Variants in ADAM18 observed in about 807,000 individuals in gnomAD.
ADAM18 encodes the protein disintegrin and metalloproteinase domain-containing protein 18.
In ADAM18, 117 loss-of-function variants were observed where a neutral mutation model predicts 94.4. The observed-to-expected ratio is 1.24, with a 90% CI of 1.07 to 1.45. ADAM18 has a LOEUF of 1.45. Ranked by LOEUF, ADAM18 falls within the 40% of genes most tolerant of loss-of-function variation. ADAM18 has a pLI of 0.00. For synonymous variants in ADAM18, 327 were observed against 291.6 expected, an observed-to-expected ratio of 1.12 and a Z score of -1.24; for missense variants, 936 against 880.0, an observed-to-expected ratio of 1.06 and a Z score of -0.81.
At chr8:39,728,993 G>C (rs7011327) in intron 19 of ADAM18, among the ~76,000 whole-genome samples, 1 of 152,080 alleles carries the variant, frequency 6.6e-6, no homozygotes, top group Non-Finnish European at 1.5e-5. Flanking sequence ...GTCCAAAAGG[G>C]TTCCAGTTTG....
intron 6 of ADAM18, among the ~76,000 whole-genome samples, chr8:39,619,667 T>C (rs1185716589): frequency 6.6e-6 from 1 of 152,046 alleles, no homozygotes; most frequent in Non-Finnish European, 1.5e-5. Flanking sequence ...AAATAACTAT[T>C]AGTAAGTTTT....
At chr8:39,686,596 C>T (rs893421613) in intron 16 of ADAM18, among the ~76,000 whole-genome samples, 1 of 152,062 alleles carries the variant, frequency 6.6e-6, no homozygotes, top group East Asian at 1.9e-4. Context: ...ACAAATATTC[C>T]GACCACAGCA....
In ADAM18 at chr8:39,691,127, C is replaced by T. The variant is rs141774014; in HGVS notation, c.1822-1473C>T. On this transcript the variant is annotated intron_variant, in intron 16 of 19. Coordinates refer to ENST00000265707, the MANE Select transcript of ADAM18 (RefSeq NM_014237.3). ...AGATGATATATATGCATCTCTTACA[C>T]GCATATATTAAATCACTGCTTAATG... 2.9e-3 allele frequency among the ~76,000 whole-genome samples: 442 copies of T among 152,138 alleles called. 3 individuals carry two copies. The highest frequency in any genetic ancestry group is 9.6e-3 in the African/African-American group (399 of 41,522).
Position 39,680,192 on chromosome 8 carries a change from A to G in ADAM18, c.1787A>G (p.Tyr596Cys), listed in dbSNP as rs538855553. ...AGATCAGATGGAACAGACAATGCCT[A>G]TGTGGCTGATGGCACCATGTGTGGT... ...SMRSDGTDNA[Y>C]VADGTMCGPE... Residue 596 changes from tyrosine to cysteine, a missense_variant, in exon 16 of 20, where the codon TAT (tyrosine) becomes TGT (cysteine). By Grantham distance (194) the Tyr-to-Cys change is radical. Transcript: ENST00000265707. 14 of 1,613,548 alleles carry G rather than the reference A, an allele frequency of 8.7e-6. No homozygotes were observed. Among genetic ancestry groups the G allele is most frequent in the Admixed American group, 6.7e-5 (4 of 59,814 alleles).
intron 16 of ADAM18, among the ~76,000 whole-genome samples, chr8:39,689,300 G>A (rs1401305747): frequency 6.6e-6 from 1 of 151,996 alleles, no homozygotes; most frequent in Non-Finnish European, 1.5e-5. Flanking sequence ...GTCTTAAATG[G>A]TATTGCCAGG....
intron 2 of ADAM18, among the ~76,000 whole-genome samples, chr8:39,594,401 C>G (rs919151990): frequency 6.6e-6 from 1 of 152,072 alleles, no homozygotes; most frequent in South Asian, 2.1e-4. Context: ...CATACTTTCC[C>G]CTCTATGTTT....
At chr8:39,610,795 T>G in intron 6 of ADAM18, 89 bp downstream of exon 6, 1 of 1,421,372 alleles carries the variant, frequency 7.0e-7, no homozygotes, top group Admixed American at 2.8e-5. Context: ...AGTTAGCTGT[T>G]GAGTAGGAAT....
intron 16 of ADAM18, among the ~76,000 whole-genome samples, chr8:39,690,427 A>T (rs1821740613): frequency 2.0e-5 from 3 of 152,100 alleles, no homozygotes; most frequent in African/African-American, 7.2e-5. Flanking sequence ...GGAATGTCAT[A>T]GGTGGGAGGT....
At chr8:39,613,057 C>T (rs1001855873) in intron 6 of ADAM18, among the ~76,000 whole-genome samples, 2 of 152,166 alleles carry the variant, frequency 1.3e-5, no homozygotes, top group African/African-American at 4.8e-5. Context: ...CCATGTCTCC[C>T]TGTTGCTGCT....
chr8:39,589,043 C>T (rs1030498148), intron 2 of ADAM18, among the ~76,000 whole-genome samples: 1 of 152,154 alleles, frequency 6.6e-6, no homozygotes, highest in Admixed American at 6.5e-5. Context: ...AGGGCATATT[C>T]AATCTTTCTG....
At chr8:39,591,791 C>A (rs938481318) in intron 2 of ADAM18, among the ~76,000 whole-genome samples, 1 of 152,144 alleles carries the variant, frequency 6.6e-6, no homozygotes, top group Non-Finnish European at 1.5e-5. Flanking sequence ...ATAGACTTTG[C>A]CCAGATCCAA....
At chr8:39,675,726 G>A (rs1821283446) in intron 14 of ADAM18, among the ~76,000 whole-genome samples, 2 of 152,194 alleles carry the variant, frequency 1.3e-5, no homozygotes, top group Admixed American at 1.3e-4. Context: ...AGAATTTTCA[G>A]CTTTTCTGCT....
chr8:39,610,828 A>G, intron 6 of ADAM18, 122 bp downstream of exon 6: 1 of 1,306,080 alleles, frequency 7.7e-7, no homozygotes. Context: ...GTATTTTTCT[A>G]CCTTTAAATA....
In ADAM18 at chr8:39,677,498, T is replaced by C; in HGVS notation, c.1593T>C (p.Cys531=). ...CTCTGCATGAAAGATCTGAAAACTG[T>C]GGTTTTAAAAATTCACAACCATTAC... ...VNSLHERSEN[C]GFKNSQPLPC... The change falls in exon 15 of 20, where the codon TGT becomes TGC. Residue 531 remains cysteine, a synonymous_variant. Coordinates refer to ENST00000265707, the MANE Select transcript of ADAM18 (RefSeq NM_014237.3). 6.2e-7 allele frequency: 1 copy of C among 1,610,896 alleles called. No homozygotes were observed. Among genetic ancestry groups the C allele is most frequent in the Non-Finnish European group, 8.5e-7 (1 of 1,179,306 alleles).
rs768125473 is a variant in ADAM18 at position 39,645,359 on chromosome 8, G to T, written c.931G>T (p.Glu311Ter). The change falls in exon 11 of 20, where the codon GAG (glutamate) becomes TAG (stop). Residue 311 changes from glutamate to a stop codon, truncating the protein, a stop_gained. Coordinates refer to ENST00000265707, the MANE Select transcript of ADAM18 (RefSeq NM_014237.3). LOFTEE classifies it high-confidence loss of function. ...TTAGTATCCAGATGCAATAGGTTTG[G>T]AGGGATTTTCGGTTATTATAGCTCA... ...IAMYPDAIGL[E>*]GFSVIIAQLL... The T allele has an allele frequency of 1.2e-6, 2 of 1,611,562 alleles. No individual in the cohort carries two copies. Among genetic ancestry groups the T allele is most frequent in the Non-Finnish European group, 1.7e-6 (2 of 1,178,762 alleles).
At chr8:39,726,537 A>G (rs1032342513) in intron 19 of ADAM18, among the ~76,000 whole-genome samples, 1 of 151,988 alleles carries the variant, frequency 6.6e-6, no homozygotes, top group African/African-American at 2.4e-5. Context: ...TTCTTTTGCT[A>G]TGCAAAAGCT....
At chr8:39,599,378 A>G (rs1434260760) in intron 2 of ADAM18, among the ~76,000 whole-genome samples, 1 of 152,202 alleles carries the variant, frequency 6.6e-6, no homozygotes, top group African/African-American at 2.4e-5. Context: ...GCTTTATAGA[A>G]AAAGAAGTAT....
intron 13 of ADAM18, among the ~76,000 whole-genome samples, chr8:39,666,366 T>A (rs1820993346): frequency 6.6e-6 from 1 of 152,100 alleles, no homozygotes; most frequent in South Asian, 2.1e-4. Flanking sequence ...TCTAGGAAAG[T>A]CTTTGTGTCT....
At position 39,723,900 on chromosome 8, in the gene ADAM18, T is replaced by C. The variant is rs745884087; in HGVS notation, c.2170T>C (p.Tyr724His). 2.6e-6 allele frequency: 4 copies of C among 1,513,438 alleles called. No individual in the cohort carries two copies. Among genetic ancestry groups the C allele is most frequent in the Admixed American group, 4.0e-5 (2 of 50,076 alleles). 93.8% of individuals were successfully genotyped at this position (1,513,438 alleles called of 1,614,324 possible). ...SKSCNRENAE[Y>H]NRNSSVVSES... The stretch of plus-strand genomic sequence containing the variant: ...ATCATGTAACAGAGAGAATGCAGAG[T>C]ATAATCGGTAAATATGATATAGAAT... Residue 724 changes from tyrosine to histidine, a missense_variant, in exon 19 of 20, where the codon TAT (tyrosine) becomes CAT (histidine). Tyr to His is a moderately conservative substitution (Grantham distance 83). Coordinates refer to ENST00000265707, the MANE Select transcript of ADAM18 (RefSeq NM_014237.3).
Sources: gnomAD v4.1 joint callset for allele counts (sites outside exome capture counted in the v4.1 genomes callset) on GRCh38, gnomAD v4.1.1 for gene constraint, MANE v1.5 for transcripts, NCBI Gene and HGNC (gene_info 2026-07-23, HGNC 2026-07-21) for gene names.